Variants in DPP8 observed in about 807,000 individuals in gnomAD.
DPP8 encodes DPP VIII.
Under a neutral mutation model 107.5 loss-of-function variants are expected in DPP8, and 31 were observed. That is an observed-to-expected ratio of 0.29 (90% confidence interval 0.22 to 0.39). The LOEUF (loss-of-function observed/expected upper bound fraction) is 0.39. DPP8 is among the 10% of genes least tolerant of loss of function. DPP8 has a pLI of 1.00. For synonymous variants in DPP8, 381 were observed against 356.6 expected (o/e 1.07, Z -0.77); for missense variants, 842 against 1,076.1 (o/e 0.78, Z 3.04).
chr15:65,511,424 G>GT lies in DPP8; in HGVS notation c.259+870dup, dbSNP rs745847483. Among the ~76,000 whole-genome samples the GT allele has an allele frequency of 8.0e-5, 12 of 150,634 alleles. No homozygotes were observed. In the East Asian group the frequency reaches 9.7e-4, roughly 12 times the overall value. On this transcript the variant is annotated intron_variant, in intron 2 of 19. Coordinates refer to ENST00000300141, the MANE Select transcript of DPP8 (RefSeq NM_130434.5). The stretch of plus-strand genomic sequence containing the variant: ...CAATTATATAATGGAATGTTACGAA[G>GT]TTTTTAAAAAAAAAATGAATCGCAG...
At chr15:65,473,042 A>G (rs867710725) in intron 12 of DPP8, among the ~76,000 whole-genome samples, 1 of 152,054 alleles carries the variant, frequency 6.6e-6, no homozygotes, top group Non-Finnish European at 1.5e-5. Context: ...TGTCTCAAAA[A>G]AGAAAAGCAA....
intron 8 of DPP8, among the ~76,000 whole-genome samples, chr15:65,482,085 T>G (rs1338485178): frequency 6.6e-6 from 1 of 152,128 alleles, no homozygotes; most frequent in Non-Finnish European, 1.5e-5. Context: ...CCAGCTGGAA[T>G]GCAGTGGCTT....
chr15:65,470,700 C>T (rs947499341), intron 12 of DPP8, among the ~76,000 whole-genome samples: 1 of 151,596 alleles, frequency 6.6e-6, no homozygotes, highest in Admixed American at 6.6e-5. Flanking sequence ...GGGCAGATCA[C>T]CTGAGGTCAC....
In DPP8 at chr15:65,500,693, G is replaced by A. The variant is rs370186417; in HGVS notation, c.459C>T (p.Tyr153=). The part of the protein sequence containing the change: ...KRIGTVGIAS[Y]DYHQGSGTFL... ...ATGTTCCACTTCCTTGGTGATAATC[G>A]TAAGAAGCAATTCCGACTGTTCCAA... The change falls in exon 4 of 20, where the codon TAC becomes TAT. Residue 153 remains tyrosine, a synonymous_variant. Transcript: ENST00000300141. 1.5e-5 allele frequency: 24 copies of A among 1,613,466 alleles called. No homozygotes were observed. Among genetic ancestry groups the A allele is most frequent in the Non-Finnish European group, 1.9e-5 (22 of 1,179,652 alleles).
At chr15:65,465,569 C>A (rs895688257) in intron 14 of DPP8, among the ~76,000 whole-genome samples, 1 of 128,608 alleles carries the variant, frequency 7.8e-6, no homozygotes, top group Non-Finnish European at 1.7e-5. Context: ...CCAGTCCATT[C>A]TTTTTTTTTT....
intron 11 of DPP8, chr15:65,475,719 G>T (rs530501573): frequency 2.0e-6 from 1 of 510,058 alleles, no homozygotes; most frequent in African/African-American, 2.0e-5. Flanking sequence ...CCAGGTAAGT[G>T]TTTACCATAG....
intron 7 of DPP8, among the ~76,000 whole-genome samples, chr15:65,486,612 T>A (rs886075146): frequency 9.2e-6 from 1 of 109,038 alleles, no homozygotes; most frequent in Non-Finnish European, 1.8e-5. Context: ...ATTAAAAAAA[T>A]GTAGTATATA....
intron 3 of DPP8, among the ~76,000 whole-genome samples, chr15:65,501,520 A>G (rs1031271978): frequency 1.3e-5 from 2 of 152,214 alleles, no homozygotes; most frequent in African/African-American, 4.8e-5. Flanking sequence ...AATTTTCTTC[A>G]TTTTCAAAAT....
At chr15:65,483,444 C>T (rs998528878) in intron 8 of DPP8, among the ~76,000 whole-genome samples, 1 of 151,992 alleles carries the variant, frequency 6.6e-6, no homozygotes, top group African/African-American at 2.4e-5. Context: ...ATCACTTGAG[C>T]CTGAGAGGCT....
At position 65,466,650 on chromosome 15, in the gene DPP8, C is replaced by T. The variant is rs199574884; in HGVS notation, c.1825+28G>A. The T allele has an allele frequency of 2.0e-4, 317 of 1,597,942 alleles. No individual in the cohort carries two copies. In the South Asian group the frequency reaches 2.9e-3, roughly 14 times the overall value. ...GTACTAATATATTAATCCTACTTAA[C>T]GTCAGGATCAGGGGGAAAAAAGAAT... On this transcript the variant is annotated intron_variant, in intron 14 of 19. Transcript: ENST00000300141.
chr15:65,460,212 C>T (rs1017048216), intron 15 of DPP8, among the ~76,000 whole-genome samples: 1 of 151,664 alleles, frequency 6.6e-6, no homozygotes, highest in Non-Finnish European at 1.5e-5. Context: ...GAGGCTGACG[C>T]GGGTGGATCA....
chr15:65,489,336 G>C (rs1297149598), intron 6 of DPP8, among the ~76,000 whole-genome samples: 4 of 151,262 alleles, frequency 2.6e-5, no homozygotes, highest in Non-Finnish European at 5.9e-5. Flanking sequence ...AACTGGCAAA[G>C]AGAATTGAGG....
At chr15:65,448,987 C>T (rs2063764381) in intron 19 of DPP8, among the ~76,000 whole-genome samples, 2 of 136,098 alleles carry the variant, frequency 1.5e-5, no homozygotes, top group South Asian at 4.5e-4. Context: ...GGCCTCAAAT[C>T]ACCTGAGGTC....
Position 65,446,731 on chromosome 15 carries a change from T to G in DPP8, c.*153A>C, listed in dbSNP as rs953812165. The G allele has an allele frequency of 3.3e-6, 2 of 608,004 alleles. No homozygotes were observed. The highest frequency in any genetic ancestry group is 5.1e-6 in the Non-Finnish European group (2 of 394,152). The allele number at this position is 608,004 out of a possible 1,614,324, so 37.7% of individuals were successfully genotyped here. ...GGTATTAGATTACTACCACAAACCG[T>G]AGACCCCTGCATGGCACCACATTTA... On this transcript the variant is annotated 3_prime_UTR_variant, in exon 20 of 20. Transcript: ENST00000300141.
At chr15:65,515,702 T>A in intron 1 of DPP8, 5 of 1,613,768 alleles carry the variant, frequency 3.1e-6, no homozygotes, top group Non-Finnish European at 4.2e-6. Context: ...TTCAAAGAGA[T>A]CTTTTTCAAG....
chr15:65,473,538 G>A (rs1255782132), intron 12 of DPP8, among the ~76,000 whole-genome samples: 3 of 151,930 alleles, frequency 2.0e-5, no homozygotes, highest in Non-Finnish European at 4.4e-5. Context: ...TCGTGGTGGC[G>A]TACACCTGTA....
chr15:65,446,469 T>C lies in DPP8; in HGVS notation c.*415A>G, dbSNP rs1241726097. The stretch of plus-strand genomic sequence containing the variant: ...TATCAAATCTGTAACTAGTCAAAGA[T>C]TCTGGAACTGAACCAAACCAATCAC... On this transcript the variant is annotated 3_prime_UTR_variant, in exon 20 of 20. Transcript: ENST00000300141. The C allele has an allele frequency of 6.5e-6, 1 of 152,804 alleles. No homozygotes were observed. Among genetic ancestry groups the C allele is most frequent in the East Asian group, 1.9e-4 (1 of 5,212 alleles). The allele number at this position is 152,804 out of a possible 1,614,324, so 9.5% of individuals were successfully genotyped here. A position where few individuals can be genotyped will look rare whatever the true frequency, so the allele number is the denominator to read the frequency against.
At chr15:65,450,488 G>A (rs1380299747) in intron 19 of DPP8, among the ~76,000 whole-genome samples, 1 of 152,054 alleles carries the variant, frequency 6.6e-6, no homozygotes, top group East Asian at 1.9e-4. Context: ...TTTTTTGTGT[G>A]CACATAATCT....
chr15:65,487,250 A>T (rs2067533943), intron 7 of DPP8, among the ~76,000 whole-genome samples: 1 of 152,066 alleles, frequency 6.6e-6, no homozygotes. Context: ...CTTGGGTTCA[A>T]GCAATTATCC....
Sources: gnomAD v4.1 joint callset for allele counts (sites outside exome capture counted in the v4.1 genomes callset) on GRCh38, gnomAD v4.1.1 for gene constraint, MANE v1.5 for transcripts, NCBI Gene and HGNC (gene_info 2026-07-23, HGNC 2026-07-21) for gene names.